Variants in TRAF5 observed in about 807,000 individuals in gnomAD.
TRAF5 encodes TNF receptor-associated factor 5.
In TRAF5, 48 loss-of-function variants were observed where a neutral mutation model predicts 64.5. The observed-to-expected ratio is 0.74, with a 90% CI of 0.59 to 0.95. The LOEUF is 0.95. Among genes scored for constraint, TRAF5 ranks in the 40% least tolerant of loss-of-function variants. The probability of loss-of-function intolerance (pLI) is 0.00; values close to 1 mark genes in which losing one functional copy is unlikely to be tolerated. For synonymous variants in TRAF5, 206 were observed against 240.5 expected (o/e 0.86, Z 1.33); for missense variants, 545 against 662.8 (o/e 0.82, Z 1.95).
chr1:211,369,353 C>T, intron 8 of TRAF5, 99 bp from the exon 9 acceptor site: 3 of 1,084,886 alleles, frequency 2.8e-6, no homozygotes, highest in Non-Finnish European at 3.8e-6. Context: ...TAGATTTTTT[C>T]CTAGAAATAC....
intron 3 of TRAF5, among the ~76,000 whole-genome samples, chr1:211,355,705 G>A (rs1315650678): frequency 6.6e-6 from 1 of 152,156 alleles, no homozygotes; most frequent in African/African-American, 2.4e-5. Flanking sequence ...TTATGTAATG[G>A]TGGGTGCATA....
In TRAF5 at chr1:211,356,484, G is replaced by A. The variant is rs1186730704; in HGVS notation, c.378+16G>A. 1 of 1,609,632 alleles carries A rather than the reference G, an allele frequency of 6.2e-7. No homozygotes were observed. The highest frequency in any genetic ancestry group is 1.3e-5 in the African/African-American group (1 of 74,844). ...CCGGTACCAGGTTGGTATTACTCATGAACGATATCTGCTTTTGCCATTTTT... is the reference window on the plus strand; with the variant it reads ...CCGGTACCAGGTTGGTATTACTCATAAACGATATCTGCTTTTGCCATTTTT... On this transcript the variant is annotated intron_variant, in intron 4 of 10. Transcript: ENST00000261464.
chr1:211,352,980 A>G (rs1381800321), intron 1 of TRAF5, among the ~76,000 whole-genome samples: 1 of 152,218 alleles, frequency 6.6e-6, no homozygotes, highest in Non-Finnish European at 1.5e-5. Context: ...TAAAAGACTG[A>G]TGGACAAAGA....
chr1:211,356,637 A>G (rs1411597035), intron 4 of TRAF5, 169 bp downstream of exon 4: 9 of 587,494 alleles, frequency 1.5e-5, no homozygotes, highest in East Asian at 3.0e-5. Context: ...TAGCCCACCT[A>G]CGGCTGAGGT....
intron 4 of TRAF5, 73 bp downstream of exon 4, chr1:211,356,541 C>A: frequency 1.5e-6 from 2 of 1,303,412 alleles, no homozygotes; most frequent in Non-Finnish European, 2.2e-6. Flanking sequence ...CTTTATGTGA[C>A]AGTTACTGAG....
At position 211,362,508 on chromosome 1, in the gene TRAF5, C is replaced by T. The variant is rs1044217670; in HGVS notation, c.696+1346C>T. On this transcript the variant is annotated intron_variant, in intron 7 of 10. Coordinates refer to ENST00000261464, the MANE Select transcript of TRAF5 (RefSeq NM_001033910.3). ...CAGCCTGGCCAACATGGTGAAACCC[C>T]GCCTCTACTAAAAATACAAAAGTTA... Among the ~76,000 whole-genome samples, 8 of 152,028 alleles carry T rather than the reference C, an allele frequency of 5.3e-5. No homozygotes were observed. In the South Asian group the frequency reaches 1.2e-3, roughly 24 times the overall value.
intron 3 of TRAF5, 140 bp from the exon 4 acceptor site, chr1:211,356,227 T>C (rs7550702): frequency 0.57 from 340,118 of 598,410 alleles, 100,755 homozygotes; most frequent in Non-Finnish European, 0.61. Flanking sequence ...GTGGTGTAAG[T>C]GTGATATTTC....
At chr1:211,353,533 T>G in intron 2 of TRAF5, 76 bp downstream of exon 2, 1 of 1,434,572 alleles carries the variant, frequency 7.0e-7, no homozygotes, top group South Asian at 1.2e-5. Flanking sequence ...CTCAACTGTT[T>G]TCATGGGTTT....
At chr1:211,353,700 G>A in intron 2 of TRAF5, 1 of 520,466 alleles carries the variant, frequency 1.9e-6, no homozygotes, top group Non-Finnish European at 3.5e-6. Flanking sequence ...GCATGGGACA[G>A]CAGACCTAGA....
intron 6 of TRAF5, 90 bp downstream of exon 6, chr1:211,360,869 A>G: frequency 8.2e-7 from 1 of 1,224,762 alleles, no homozygotes; most frequent in Non-Finnish European, 1.2e-6. Context: ...CCCAAAGATA[A>G]GGGCCCAGGG....
chr1:211,344,883 C>T (rs1702552600), intron 1 of TRAF5, among the ~76,000 whole-genome samples: 1 of 152,042 alleles, frequency 6.6e-6, no homozygotes, highest in Non-Finnish European at 1.5e-5. Flanking sequence ...CCCCCCAAGT[C>T]GCTGGGACTA....
At chr1:211,348,663 C>T (rs956408308) in intron 1 of TRAF5, among the ~76,000 whole-genome samples, 6 of 152,202 alleles carry the variant, frequency 3.9e-5, no homozygotes, top group Admixed American at 6.5e-5. Context: ...TGAAGGGTGT[C>T]AGGTCTGTGT....
At chr1:211,355,087 C>T (rs567597381) in intron 3 of TRAF5, among the ~76,000 whole-genome samples, 18 of 151,768 alleles carry the variant, frequency 1.2e-4, no homozygotes, top group Non-Finnish European at 2.5e-4. Flanking sequence ...GCACAAGAAT[C>T]GCTTGAACCT....
At chr1:211,371,990 A>G in intron 10 of TRAF5, 138 bp from the exon 11 acceptor site, 1 of 751,874 alleles carries the variant, frequency 1.3e-6, no homozygotes, top group Non-Finnish European at 2.1e-6. Flanking sequence ...TATTACTACA[A>G]CAAATGAATT....
Position 211,374,828 on chromosome 1 carries a change from A to G in TRAF5, c.*2126A>G, listed in dbSNP as rs1703643362. The G allele has an allele frequency of 6.6e-6, 1 of 152,232 alleles. No individual in the cohort carries two copies. 9.4% of individuals were successfully genotyped at this position (152,232 alleles called of 1,614,324 possible). ...TTTTATCCAACTTTTGTGCATATAT[A>G]TAAAGTATGTCATGGCATGGTTTGC... On this transcript the variant is annotated 3_prime_UTR_variant, in exon 11 of 11. Coordinates refer to ENST00000261464, the MANE Select transcript of TRAF5 (RefSeq NM_001033910.3).
At position 211,372,231 on chromosome 1, in the gene TRAF5, C is replaced by G. The variant is rs750391110; in HGVS notation, c.1203C>G (p.Cys401Trp). The stretch of plus-strand genomic sequence containing the variant: ...GATTTAAACTGCTGGAGGGTACTTG[C>G]TATAATGGAAAGCTCATTTGGAAGG... ...EERFKLLEGTCYNGKLIWKVT... is the reference protein window; with the variant it reads ...EERFKLLEGTWYNGKLIWKVT... Residue 401 changes from cysteine to tryptophan, a missense_variant, in exon 11 of 11, where the codon TGC becomes TGG. Physicochemically the swap from Cys to Trp is radical, Grantham distance 215 (BLOSUM62 -2). Transcript: ENST00000261464. The G allele has an allele frequency of 2.5e-6, 4 of 1,613,618 alleles. No homozygotes were observed. The highest frequency in any genetic ancestry group is 2.2e-5 in the South Asian group (2 of 91,062).
At position 211,373,395 on chromosome 1, in the gene TRAF5, A is replaced by G. The variant is rs925195430; in HGVS notation, c.*693A>G. Reference sequence around the variant, plus strand: ...GTATATGAGATATAGCCAGCTAGCTAAAGTTCAGATTTTGTTAGGTTCAAC... The same window carrying G: ...GTATATGAGATATAGCCAGCTAGCTGAAGTTCAGATTTTGTTAGGTTCAAC... On this transcript the variant is annotated 3_prime_UTR_variant, in exon 11 of 11. Coordinates refer to ENST00000261464, the MANE Select transcript of TRAF5 (RefSeq NM_001033910.3). 5 of 152,174 alleles carry G rather than the reference A, an allele frequency of 3.3e-5. No individual in the cohort carries two copies. The highest frequency in any genetic ancestry group is 7.3e-5 in the Non-Finnish European group (5 of 68,038). The allele number at this position is 152,174 out of a possible 1,614,324, so 9.4% of individuals were successfully genotyped here. A position where few individuals can be genotyped will look rare whatever the true frequency, so the allele number is the denominator to read the frequency against.
intron 3 of TRAF5, among the ~76,000 whole-genome samples, chr1:211,355,034 G>A (rs144709573): frequency 0.012 from 1,866 of 152,180 alleles, 43 homozygotes; most frequent in African/African-American, 0.043. Flanking sequence ...TTAGCTAGGT[G>A]TGGTGGTGCA....
chr1:211,338,773 T>C (rs555306708), intron 1 of TRAF5, among the ~76,000 whole-genome samples: 1 of 152,132 alleles, frequency 6.6e-6, no homozygotes, highest in Non-Finnish European at 1.5e-5. Flanking sequence ...TACAGATGTG[T>C]GCCACCATGC....
Sources: allele counts gnomAD v4.1 joint callset (sites outside exome capture counted in the v4.1 genomes callset), GRCh38; gene constraint gnomAD v4.1.1; transcripts MANE v1.5; gene names NCBI Gene and HGNC (gene_info 2026-07-23, HGNC 2026-07-21).